Variants in DNER observed in about 807,000 individuals in gnomAD.
DNER encodes the protein delta/notch like EGF repeat containing, also known as delta and Notch-like epidermal growth factor-related receptor.
DNER carries 33 observed loss-of-function variants against 78.2 expected under a neutral mutation model. The observed-to-expected ratio is 0.42, with a 90% CI of 0.32 to 0.56. DNER has a LOEUF of 0.56. Among genes scored for constraint, DNER ranks in the 20% least tolerant of loss-of-function variants. The pLI is 0.11. For synonymous variants in DNER, 417 were observed against 384.8 expected, an observed-to-expected ratio of 1.08 and a Z score of -0.98; for missense variants, 918 against 975.3, an observed-to-expected ratio of 0.94 and a Z score of 0.78.
intron 1 of DNER, among the ~76,000 whole-genome samples, chr2:229,692,450 T>C (rs1360347292): frequency 3.3e-5 from 5 of 152,266 alleles, no homozygotes; most frequent in African/African-American, 1.2e-4. Context: ...TCTATTGGCT[T>C]TCAGCTATGG....
chr2:229,365,737 G>C (rs1692331848), intron 12 of DNER, among the ~76,000 whole-genome samples: 1 of 152,174 alleles, frequency 6.6e-6, no homozygotes, highest in Non-Finnish European at 1.5e-5. Flanking sequence ...CACCCAGCCA[G>C]GTCTTCTCAT....
intron 7 of DNER, among the ~76,000 whole-genome samples, chr2:229,469,510 G>A (rs140975579): frequency 0.022 from 3,343 of 152,258 alleles, 60 homozygotes; most frequent in Middle Eastern, 0.037. Context: ...ACCCTCGCTC[G>A]ATAGATGGGG....
At chr2:229,563,492 CCCCATCATCATCATCAACATCATCAT>C (rs1697011233) in intron 4 of DNER, among the ~76,000 whole-genome samples, 1 of 147,514 alleles carries the variant, frequency 6.8e-6, no homozygotes, top group African/African-American at 2.6e-5. Context: ...ATCATCCTCA[CCCCATCATCATCATCAACATCATCAT>C]CCCATCACCA....
chr2:229,637,015 C>G (rs1352524408), intron 1 of DNER, among the ~76,000 whole-genome samples: 1 of 152,184 alleles, frequency 6.6e-6, no homozygotes, highest in Non-Finnish European at 1.5e-5. Context: ...TCACCTGGAA[C>G]TGCCCTGGAC....
At chr2:229,447,975 TATGAC>T (rs1216773310) in intron 7 of DNER, among the ~76,000 whole-genome samples, 1 of 152,344 alleles carries the variant, frequency 6.6e-6, no homozygotes, top group African/African-American at 2.4e-5. Context: ...CTTTAATAGA[TATGAC>T]ATAATCCTGA....
chr2:229,387,556 AAAG>A (rs1559337952), intron 11 of DNER, among the ~76,000 whole-genome samples: 33 of 148,246 alleles, frequency 2.2e-4, no homozygotes, highest in African/African-American at 7.9e-4. Context: ...AGAAAGAAAG[AAAG>A]AAAGAAAGAA....
At chr2:229,697,922 G>T (rs969020534) in intron 1 of DNER, among the ~76,000 whole-genome samples, 3 of 152,182 alleles carry the variant, frequency 2.0e-5, no homozygotes, top group African/African-American at 2.4e-5. Flanking sequence ...GGGCACATTG[G>T]TTCACGCCTG....
At chr2:229,681,092 C>T (rs2154217123) in intron 1 of DNER, among the ~76,000 whole-genome samples, 1 of 152,326 alleles carries the variant, frequency 6.6e-6, no homozygotes, top group African/African-American at 2.4e-5. Context: ...TCTGAGGAAG[C>T]TCTGATTTGT....
chr2:229,371,678 C>A (rs1692487063), intron 11 of DNER, among the ~76,000 whole-genome samples: 1 of 152,202 alleles, frequency 6.6e-6, no homozygotes, highest in South Asian at 2.1e-4. Flanking sequence ...TCAGACCCAC[C>A]TCCACTCTGC....
At chr2:229,673,345 G>A (rs6761956) in intron 1 of DNER, among the ~76,000 whole-genome samples, 12,246 of 152,206 alleles carry the variant, frequency 0.08, 609 homozygotes, top group South Asian at 0.14. Flanking sequence ...GACATCATCC[G>A]CAGCAGTTCA....
chr2:229,615,407 G>A (rs975445109), intron 1 of DNER, among the ~76,000 whole-genome samples: 7 of 137,430 alleles, frequency 5.1e-5, no homozygotes, highest in East Asian at 2.1e-4. Flanking sequence ...GCAAAACTCC[G>A]TCTTAAAAAA....
chr2:229,397,254 C>A (rs909791694), intron 10 of DNER, among the ~76,000 whole-genome samples: 1 of 151,992 alleles, frequency 6.6e-6, no homozygotes, highest in African/African-American at 2.4e-5. Flanking sequence ...ACCCAAGGAA[C>A]AACATGATTG....
At chr2:229,579,626 T>C (rs979444601) in intron 4 of DNER, among the ~76,000 whole-genome samples, 1 of 152,124 alleles carries the variant, frequency 6.6e-6, no homozygotes, top group Non-Finnish European at 1.5e-5. Context: ...GATGCATGGA[T>C]ACACAAAAGT....
chr2:229,619,414 G>T (rs1057017607), intron 1 of DNER, among the ~76,000 whole-genome samples: 8 of 152,128 alleles, frequency 5.3e-5, no homozygotes, highest in African/African-American at 1.9e-4. Flanking sequence ...CCAGCTCAGT[G>T]ATGTAAGTGC....
intron 6 of DNER, among the ~76,000 whole-genome samples, chr2:229,483,023 T>C (rs1170470664): frequency 1.3e-5 from 2 of 152,188 alleles, no homozygotes; most frequent in African/African-American, 4.8e-5. Context: ...TAAACAATAA[T>C]GTCTCTGGGA....
At chr2:229,586,170 G>T in intron 3 of DNER, 146 bp from the exon 4 acceptor site, 2 of 1,010,226 alleles carry the variant, frequency 2.0e-6, no homozygotes, top group Non-Finnish European at 2.8e-6. Flanking sequence ...ATACGCGGGC[G>T]TCCACTGTAA....
At chr2:229,704,791 A>G (rs1359237900) in intron 1 of DNER, among the ~76,000 whole-genome samples, 1 of 152,268 alleles carries the variant, frequency 6.6e-6, no homozygotes, top group East Asian at 1.9e-4. Flanking sequence ...CTGTATGTAA[A>G]TTATATCTTA....
At position 229,435,213 on chromosome 2, in the gene DNER, G is replaced by A. The variant is rs562063178; in HGVS notation, c.1486+12103C>T. Among the ~76,000 whole-genome samples, 13 of 152,192 alleles carry A rather than the reference G, an allele frequency of 8.5e-5. No homozygotes were observed. In the East Asian group the frequency reaches 1.9e-3, roughly 23 times the overall value. ...CCCTACAATCGTGGGAAGAAGCCCCGACTGGTCTGCTGGATGAAGAGAGAC... is the reference window on the plus strand; with the variant it reads ...CCCTACAATCGTGGGAAGAAGCCCCAACTGGTCTGCTGGATGAAGAGAGAC... On this transcript the variant is annotated intron_variant, in intron 8 of 12. Transcript: ENST00000341772.
At chr2:229,518,333 T>C (rs181473852) in intron 5 of DNER, among the ~76,000 whole-genome samples, 8 of 152,386 alleles carry the variant, frequency 5.2e-5, no homozygotes, top group Admixed American at 5.2e-4. Flanking sequence ...ATATTGTGAA[T>C]ACTAGAGATG....
Sources: allele counts gnomAD v4.1 joint callset (sites outside exome capture counted in the v4.1 genomes callset), GRCh38; gene constraint gnomAD v4.1.1; transcripts MANE v1.5; gene names NCBI Gene and HGNC (gene_info 2026-07-23, HGNC 2026-07-21).